Variants in TEX55 observed in about 807,000 individuals in gnomAD.
TEX55 encodes the protein testis expressed 55.
Under a neutral mutation model 44.6 loss-of-function variants are expected in TEX55, and 31 were observed. The observed-to-expected ratio is 0.69, with a 90% CI of 0.52 to 0.94. The LOEUF is 0.94. TEX55 is among the 40% of genes least tolerant of loss of function. TEX55 has a pLI of 0.00. For synonymous variants in TEX55, 230 were observed against 230.9 expected (o/e 1.00, Z 0.04); for missense variants, 639 against 638.4 (o/e 1.00, Z -0.01).
chr3:119,148,374 G>T, intron 2 of TEX55, 51 bp downstream of exon 2: 1 of 1,531,982 alleles, frequency 6.5e-7, no homozygotes, highest in Non-Finnish European at 8.9e-7. Context: ...AGAGGTACAA[G>T]AAAGAGTGTA....
chr3:119,148,209 G>A lies in TEX55; in HGVS notation c.1428G>A (p.Lys476=), dbSNP rs200242415. ...AATTTTCAGAAATTGACCAAGGAAA[G>A]GGTTATCATATACGCAATCAAACTT... ...SDEFSEIDQG[K]GYHIRNQTYR... Residue 476 remains lysine, a synonymous_variant, in exon 2 of 3, where the codon AAG becomes AAA. Coordinates refer to ENST00000295622, the MANE Select transcript of TEX55 (RefSeq NM_152539.3). The A allele has an allele frequency of 1.2e-6, 2 of 1,608,386 alleles. No homozygotes were observed. Among genetic ancestry groups the A allele is most frequent in the Non-Finnish European group, 1.7e-6 (2 of 1,178,416 alleles).
intron 1 of TEX55, 88 bp from the exon 2 acceptor site, chr3:119,148,092 T>G: frequency 8.8e-7 from 1 of 1,134,074 alleles, no homozygotes; most frequent in Non-Finnish European, 1.3e-6. Context: ...TGTTAAGATC[T>G]CATCAACATC....
In TEX55 at chr3:119,147,405, C is replaced by G. The variant is rs2107556219; in HGVS notation, c.1216C>G (p.Pro406Ala). ...EDSQVDLNSK[P>A]SVEMETQNAT... ...TAGCCAAGTAGACCTCAATTCCAAG[C>G]CTTCAGTTGAAATGGAAACTCAGAA... is the stretch of plus-strand genomic sequence containing the variant. Residue 406 changes from proline to alanine, a missense_variant, in exon 1 of 3, where the codon CCT becomes GCT. Coordinates refer to ENST00000295622, the MANE Select transcript of TEX55 (RefSeq NM_152539.3). The G allele has an allele frequency of 6.2e-7, 1 of 1,614,156 alleles. No individual in the cohort carries two copies. Among genetic ancestry groups the G allele is most frequent in the East Asian group, 2.2e-5 (1 of 44,878 alleles).
At position 119,147,286 on chromosome 3, in the gene TEX55, G is replaced by A. The variant is rs74459758; in HGVS notation, c.1097G>A (p.Arg366His). ...HKDQLSYYET[R>H]GQSEDRIFPQ... is the part of the protein sequence containing the mutation. ...GACCAGCTGTCTTACTATGAAACACGTGGCCAGTCTGAAGACAGAATATTT... is the reference window on the plus strand; with the variant it reads ...GACCAGCTGTCTTACTATGAAACACATGGCCAGTCTGAAGACAGAATATTT... Residue 366 changes from arginine to histidine, a missense_variant, in exon 1 of 3, where the codon CGT (arginine) becomes CAT (histidine). Coordinates refer to ENST00000295622, the MANE Select transcript of TEX55 (RefSeq NM_152539.3). 5,173 of 1,614,130 alleles carry A rather than the reference G, an allele frequency of 3.2e-3. 146 individuals are homozygous for A. In the African/African-American group the frequency reaches 0.057, roughly 18 times the overall value.
chr3:119,146,179 C>T lies in TEX55; in HGVS notation c.-11C>T, dbSNP rs1280247192. On this transcript the variant is annotated 5_prime_UTR_variant, in exon 1 of 3. The change creates a new upstream start codon in the 5' untranslated region. Coordinates refer to ENST00000295622, the MANE Select transcript of TEX55 (RefSeq NM_152539.3). ...CCTGGCAACCTAGACCAGTCAGGGACGCGGCAGGAAATGGAAGAGCCTCCG... is the reference window on the plus strand; with the variant it reads ...CCTGGCAACCTAGACCAGTCAGGGATGCGGCAGGAAATGGAAGAGCCTCCG... The T allele has an allele frequency of 3.2e-6, 5 of 1,583,404 alleles. No homozygotes were observed. Among genetic ancestry groups the T allele is most frequent in the African/African-American group, 1.4e-5 (1 of 73,444 alleles).
In TEX55 at chr3:119,146,862, C is replaced by T; in HGVS notation, c.673C>T (p.Gln225Ter). ...ACTATCTGAGAGAAGACCTTCTGTG[C>T]AGATTGACAGTGGGTCATCCGTCCC... The part of the protein sequence containing the change: ...SKLSERRPSV[Q>*]IDSGSSVPSD... Residue 225 changes from glutamine to a stop codon, truncating the protein, a stop_gained, in exon 1 of 3, where the codon CAG becomes TAG. Coordinates refer to ENST00000295622, the MANE Select transcript of TEX55 (RefSeq NM_152539.3). LOFTEE classifies it high-confidence loss of function. 2.5e-6 allele frequency: 4 copies of T among 1,614,052 alleles called. No homozygotes were observed. In the South Asian group the frequency reaches 4.4e-5, roughly 18 times the overall value.
rs754105345 is a variant in TEX55, at chr3:119,147,544, A to C, written c.1355A>C (p.Tyr452Ser). ...RLPSISSKLN[Y>S]TSSQEKTQAI... ...CCCTCCATCTCATCCAAATTGAACT[A>C]TACCAGCAGTCAAGAAAAAACTCAA... is the stretch of plus-strand genomic sequence containing the variant. The change falls in exon 1 of 3, where the codon TAT (tyrosine) becomes TCT (serine). Residue 452 changes from tyrosine (Y) to serine (S), a missense_variant. Tyr to Ser is a moderately radical substitution (Grantham distance 144). Transcript: ENST00000295622. The C allele has an allele frequency of 6.2e-7, 1 of 1,613,226 alleles. No individual in the cohort carries two copies. Among genetic ancestry groups the C allele is most frequent in the Non-Finnish European group, 8.5e-7 (1 of 1,179,838 alleles).
Position 119,147,257 on chromosome 3 carries a change from T to C in TEX55, c.1068T>C (p.His356=). 6.2e-7 allele frequency: 1 copy of C among 1,614,134 alleles called. No individual in the cohort carries two copies. Among genetic ancestry groups the C allele is most frequent in the Non-Finnish European group, 8.5e-7 (1 of 1,180,028 alleles). ...TDHLADRQAN[H]KDQLSYYETR... Reference sequence around the variant, plus strand: ...ACTTAGCAGACAGACAAGCTAATCATAAAGACCAGCTGTCTTACTATGAAA... The same window carrying C: ...ACTTAGCAGACAGACAAGCTAATCACAAAGACCAGCTGTCTTACTATGAAA... Residue 356 remains histidine, a synonymous_variant, in exon 1 of 3, where the codon CAT becomes CAC. Coordinates refer to ENST00000295622, the MANE Select transcript of TEX55 (RefSeq NM_152539.3).
chr3:119,150,243 C>G (rs898277808), intron 2 of TEX55, among the ~76,000 whole-genome samples: 1 of 152,018 alleles, frequency 6.6e-6, no homozygotes, highest in African/African-American at 2.4e-5. Context: ...AATTAAAGAA[C>G]TACTAATTAT....
At position 119,146,851 on chromosome 3, in the gene TEX55, G is replaced by C. The variant is rs768096554; in HGVS notation, c.662G>C (p.Arg221Thr). The C allele has an allele frequency of 8.7e-6, 14 of 1,614,232 alleles. No individual in the cohort carries two copies. The highest frequency in any genetic ancestry group is 1.2e-5 in the Non-Finnish European group (14 of 1,180,040). ...AGATTATCCAAACTATCTGAGAGAA[G>C]ACCTTCTGTGCAGATTGACAGTGGG... is the stretch of plus-strand genomic sequence containing the variant. Reference protein sequence around the residue: ...THRLSKLSERRPSVQIDSGSS... With the variant: ...THRLSKLSERTPSVQIDSGSS... The change falls in exon 1 of 3, where the codon AGA (arginine) becomes ACA (threonine). Residue 221 changes from arginine (R) to threonine (T), a missense_variant. Coordinates refer to ENST00000295622, the MANE Select transcript of TEX55 (RefSeq NM_152539.3).
chr3:119,151,444 A>C lies in TEX55; in HGVS notation c.*152A>C. On this transcript the variant is annotated 3_prime_UTR_variant, in exon 3 of 3. Coordinates refer to ENST00000295622, the MANE Select transcript of TEX55 (RefSeq NM_152539.3). ...ATTCAAGTTTTTAAAAAATAAATAAAACATAACCAGCATCCCAGAAGCCCC... is the reference window on the plus strand; with the variant it reads ...ATTCAAGTTTTTAAAAAATAAATAACACATAACCAGCATCCCAGAAGCCCC... 1 of 543,342 alleles carries C rather than the reference A, an allele frequency of 1.8e-6. No individual in the cohort carries two copies. Among genetic ancestry groups the C allele is most frequent in the South Asian group, 2.8e-5 (1 of 35,320 alleles). 33.7% of individuals were successfully genotyped at this position (543,342 alleles called of 1,614,324 possible).
chr3:119,146,960 G>C lies in TEX55; in HGVS notation c.771G>C (p.Gln257His). The change falls in exon 1 of 3, where the codon CAG (glutamine) becomes CAC (histidine). Residue 257 changes from glutamine to histidine, a missense_variant. Physicochemically the swap from Gln to His is conservative, Grantham distance 24. Coordinates refer to ENST00000295622, the MANE Select transcript of TEX55 (RefSeq NM_152539.3). ...SVPSDQRPSV[Q>H]IDRRMSGKVR... ...CATCTGACCAAAGACCTTCCGTACAGATTGACCGCAGAATGTCAGGGAAAG... is the reference window on the plus strand; with the variant it reads ...CATCTGACCAAAGACCTTCCGTACACATTGACCGCAGAATGTCAGGGAAAG... 1 of 1,614,246 alleles carries C rather than the reference G, an allele frequency of 6.2e-7. No individual in the cohort carries two copies. The highest frequency in any genetic ancestry group is 8.5e-7 in the Non-Finnish European group (1 of 1,180,044).
rs1211224892 is a variant in TEX55 at position 119,146,966 on chromosome 3, C to T, written c.777C>T (p.Asp259=). 6.2e-7 allele frequency: 1 copy of T among 1,614,244 alleles called. No homozygotes were observed. The highest frequency in any genetic ancestry group is 8.5e-7 in the Non-Finnish European group (1 of 1,180,046). Residue 259 remains aspartate (D), a synonymous_variant, in exon 1 of 3, where the codon GAC becomes GAT. Coordinates refer to ENST00000295622, the MANE Select transcript of TEX55 (RefSeq NM_152539.3). ...ACCAAAGACCTTCCGTACAGATTGA[C>T]CGCAGAATGTCAGGGAAAGTTAGGA... ...PSDQRPSVQI[D]RRMSGKVRRR...
Position 119,150,632 on chromosome 3 carries a change from ATG to A in TEX55, c.1543-590_1543-589del, listed in dbSNP as rs1260540930. 5.3e-5 allele frequency among the ~76,000 whole-genome samples: 8 copies of A among 152,234 alleles called. No homozygotes were observed. The East Asian group carries it at 1.5e-3, about 29-fold the overall frequency. On this transcript the variant is annotated intron_variant, in intron 2 of 2. Transcript: ENST00000295622. The stretch of plus-strand genomic sequence containing the variant: ...CATCATTTTTGCCATTTAGAATCAA[ATG>A]TCTCAGAAGGAAGTTTCTATGCAAA...
chr3:119,150,629 C>T (rs1412069992), intron 2 of TEX55, among the ~76,000 whole-genome samples: 1 of 151,932 alleles, frequency 6.6e-6, no homozygotes, highest in Non-Finnish European at 1.5e-5. Flanking sequence ...CATTTAGAAT[C>T]AAATGTCTCA....
rs747553631 is a variant in TEX55, at chr3:119,146,306, CG to C, written c.118del (p.Glu40LysfsTer12). 1.2e-6 allele frequency: 2 copies of C among 1,613,948 alleles called. No homozygotes were observed. Among genetic ancestry groups the C allele is most frequent in the Non-Finnish European group, 1.7e-6 (2 of 1,180,010 alleles). On this transcript the variant is annotated frameshift_variant, in exon 1 of 3. Transcript: ENST00000295622. LOFTEE classifies it high-confidence loss of function. Reference protein sequence around the residue: ...QEEDDQKNQAERKADNHTAHR... With the variant: ...QEEDDQKNQAXRKADNHTAHR... ...AAGAAGACGACCAGAAGAACCAGGC[CG>C]AAAGGAAGGCAGATAACCACACTGC...
chr3:119,150,728 A>G (rs1024057983), intron 2 of TEX55, among the ~76,000 whole-genome samples: 1 of 152,182 alleles, frequency 6.6e-6, no homozygotes, highest in African/African-American at 2.4e-5. Flanking sequence ...CAAATAATTT[A>G]TTAATTTCTC....
Position 119,146,254 on chromosome 3 carries a change from C to G in TEX55, c.65C>G (p.Ser22Ter), listed in dbSNP as rs773074200. 6.2e-7 allele frequency: 1 copy of G among 1,614,020 alleles called. No individual in the cohort carries two copies. The highest frequency in any genetic ancestry group is 8.5e-7 in the Non-Finnish European group (1 of 1,179,982). The part of the protein sequence containing the change: ...PLKHESPAAP[S>*]SAGHTKGQEE... ...AAACATGAAAGCCCAGCCGCTCCCT[C>G]AAGTGCTGGCCACACTAAGGGCCAG... The change falls in exon 1 of 3, where the codon TCA (serine) becomes TGA (stop). Residue 22 changes from serine (S) to a stop codon, truncating the protein, a stop_gained. Transcript: ENST00000295622. LOFTEE classifies it high-confidence loss of function.
chr3:119,147,656 A>G (rs1032624004), intron 1 of TEX55, 69 bp downstream of exon 1: 44 of 1,350,554 alleles, frequency 3.3e-5, no homozygotes, highest in Non-Finnish European at 4.2e-5. Context: ...GAGAGTAAAA[A>G]TAGGGGTACA....
Sources: allele counts gnomAD v4.1 joint callset (sites outside exome capture counted in the v4.1 genomes callset), GRCh38; gene constraint gnomAD v4.1.1; transcripts MANE v1.5; gene names NCBI Gene and HGNC (gene_info 2026-07-23, HGNC 2026-07-21).